Variants in MBD5 observed in about 807,000 individuals in gnomAD.
MBD5 encodes methyl-CpG binding domain protein 5.
MBD5 carries 13 observed loss-of-function variants against 117.3 expected under a neutral mutation model. The observed-to-expected ratio is 0.11, with a 90% CI of 0.07 to 0.18. The LOEUF is 0.18. Ranked by LOEUF, MBD5 falls within the 10% of genes least tolerant of loss-of-function variation. MBD5 has a pLI of 1.00. For synonymous variants in MBD5, 727 were observed against 766.4 expected (o/e 0.95, Z 0.85); for missense variants, 1,879 against 2,093.8 (o/e 0.90, Z 2.00).
Position 148,458,442 on chromosome 2 carries a change from C to G in MBD5, c.-317C>G. ...GAACTAAAAACTTTACACTCCCCACCCCCACTTCAGACAGGTACCAGCATT... is the reference window on the plus strand; with the variant it reads ...GAACTAAAAACTTTACACTCCCCACGCCCACTTCAGACAGGTACCAGCATT... On this transcript the variant is annotated 5_prime_UTR_variant, in exon 5 of 14. Coordinates refer to ENST00000642680, the MANE Select transcript of MBD5 (RefSeq NM_001378120.1). 1 of 560,782 alleles carries G rather than the reference C, an allele frequency of 1.8e-6. No homozygotes were observed. Among genetic ancestry groups the G allele is most frequent in the South Asian group, 2.6e-5 (1 of 37,968 alleles). The allele number at this position is 560,782 out of a possible 1,614,324, so 34.7% of individuals were successfully genotyped here. A position where few individuals can be genotyped will look rare whatever the true frequency, so the allele number is the denominator to read the frequency against.
intron 2 of MBD5, among the ~76,000 whole-genome samples, chr2:148,187,117 A>T (rs977131493): frequency 6.6e-6 from 1 of 152,124 alleles, no homozygotes; most frequent in Admixed American, 6.6e-5. Flanking sequence ...CCTACTCAGG[A>T]GGCTGAAGTG....
chr2:148,220,765 A>C (rs1468844452), intron 2 of MBD5, among the ~76,000 whole-genome samples: 1 of 152,100 alleles, frequency 6.6e-6, no homozygotes, highest in African/African-American at 2.4e-5. Flanking sequence ...TTATACTTTT[A>C]GTTTTTTTCT....
intron 4 of MBD5, among the ~76,000 whole-genome samples, chr2:148,445,154 T>C (rs1204651608): frequency 6.6e-6 from 1 of 151,276 alleles, no homozygotes; most frequent in Non-Finnish European, 1.5e-5. Flanking sequence ...TTTTTTATTA[T>C]ACTTTAAGTT....
At chr2:148,267,799 C>T (rs900468846) in intron 3 of MBD5, among the ~76,000 whole-genome samples, 1 of 151,440 alleles carries the variant, frequency 6.6e-6, no homozygotes, top group Non-Finnish European at 1.5e-5. Context: ...TGATTTTTTC[C>T]ATATGAATTA....
intron 4 of MBD5, among the ~76,000 whole-genome samples, chr2:148,430,992 T>A (rs1046317845): frequency 2.6e-5 from 4 of 152,152 alleles, no homozygotes; most frequent in African/African-American, 4.8e-5. Context: ...TTTATGAGTT[T>A]ACTGATTGGA....
intron 1 of MBD5, among the ~76,000 whole-genome samples, chr2:148,171,678 T>C (rs1208212383): frequency 6.6e-6 from 1 of 152,188 alleles, no homozygotes; most frequent in African/African-American, 2.4e-5. Flanking sequence ...GTAGTAAAAC[T>C]ATTGCTGTTT....
chr2:148,495,418 A>T (rs754087606), intron 11 of MBD5, among the ~76,000 whole-genome samples: 1 of 152,168 alleles, frequency 6.6e-6, no homozygotes, highest in Non-Finnish European at 1.5e-5. Flanking sequence ...TCAAAAACTA[A>T]AATTTTTATT....
intron 2 of MBD5, among the ~76,000 whole-genome samples, chr2:148,231,503 GGTACTGTGA>G (rs1490737773): frequency 6.6e-6 from 1 of 152,068 alleles, no homozygotes; most frequent in East Asian, 1.9e-4. Context: ...GTTAAAGCCA[GGTACTGTGA>G]GTGCTCACCT....
At chr2:148,245,030 A>G (rs748957569) in intron 3 of MBD5, among the ~76,000 whole-genome samples, 1 of 152,214 alleles carries the variant, frequency 6.6e-6, no homozygotes, top group Non-Finnish European at 1.5e-5. Context: ...CTACGTACAA[A>G]TGAATAACAG....
chr2:148,382,218 T>G (rs1559047628), intron 4 of MBD5, among the ~76,000 whole-genome samples: 1 of 151,400 alleles, frequency 6.6e-6, no homozygotes, highest in African/African-American at 2.4e-5. Context: ...CCATCTCACG[T>G]GCAGAGACAC....
chr2:148,153,349 C>T (rs1697749506), intron 1 of MBD5, among the ~76,000 whole-genome samples: 1 of 152,008 alleles, frequency 6.6e-6, no homozygotes. Flanking sequence ...GAAAACTGAC[C>T]TTTCTCTCTG....
rs57110874 is a variant in MBD5, at chr2:148,374,240, T to TACACACACACACACAC, written c.-557+31925_-557+31940dup. Reference sequence around the variant, plus strand: ...ATTCCAAACTAAATATGTTTATGCATACACACACACACACACACACACACA... The same window carrying TACACACACACACACAC: ...ATTCCAAACTAAATATGTTTATGCATACACACACACACACACACACACACACACACACACACACACA... On this transcript the variant is annotated intron_variant, in intron 4 of 13. Coordinates refer to ENST00000642680, the MANE Select transcript of MBD5 (RefSeq NM_001378120.1). Among the ~76,000 whole-genome samples, 4 of 141,970 alleles carry TACACACACACACACAC rather than the reference T, an allele frequency of 2.8e-5. No individual in the cohort carries two copies. In the East Asian group the frequency reaches 6.3e-4, roughly 22 times the overall value. The allele number at this position is 141,970 out of a possible 152,430, so 93.1% of individuals were successfully genotyped here.
At chr2:148,427,038 A>T (rs1370285407) in intron 4 of MBD5, among the ~76,000 whole-genome samples, 1 of 152,238 alleles carries the variant, frequency 6.6e-6, no homozygotes, top group Non-Finnish European at 1.5e-5. Flanking sequence ...GCAGCCAAAA[A>T]ACACATGAAA....
At chr2:148,028,291 T>C (rs1370908551) in intron 1 of MBD5, 1 of 152,084 alleles carries the variant, frequency 6.6e-6, no homozygotes, top group East Asian at 1.9e-4. Context: ...TGTACACATA[T>C]GCTTCACTGA....
chr2:148,390,555 GTA>G (rs1409574528), intron 4 of MBD5, among the ~76,000 whole-genome samples: 1 of 77,450 alleles, frequency 1.3e-5, no homozygotes, highest in African/African-American at 6.2e-5. Context: ...ATATATACGT[GTA>G]TGTGTGTATA....
chr2:148,499,271 C>A (rs1681800085), intron 11 of MBD5, among the ~76,000 whole-genome samples: 1 of 152,182 alleles, frequency 6.6e-6, no homozygotes. Context: ...CCACTGCATT[C>A]TAGCCTGGCC....
At chr2:148,294,294 G>A (rs1297008887) in intron 3 of MBD5, among the ~76,000 whole-genome samples, 7 of 142,658 alleles carry the variant, frequency 4.9e-5, no homozygotes, top group Admixed American at 7.3e-5. Flanking sequence ...GCGTGATCTC[G>A]GCTCACTGCA....
intron 4 of MBD5, among the ~76,000 whole-genome samples, chr2:148,374,308 A>G (rs1332434323): frequency 2.0e-5 from 3 of 151,892 alleles, no homozygotes; most frequent in Non-Finnish European, 2.9e-5. Context: ...TTTTCTTACT[A>G]CAAAGTCAGA....
At chr2:148,245,659 G>A (rs1700320289) in intron 3 of MBD5, among the ~76,000 whole-genome samples, 1 of 151,964 alleles carries the variant, frequency 6.6e-6, no homozygotes, top group African/African-American at 2.4e-5. Context: ...TATCTTTTGA[G>A]TATTAGAAAA....
Sources: allele counts gnomAD v4.1 joint callset (sites outside exome capture counted in the v4.1 genomes callset), GRCh38; gene constraint gnomAD v4.1.1; transcripts MANE v1.5; gene names NCBI Gene and HGNC (gene_info 2026-07-23, HGNC 2026-07-21).